RIN2: variants seen among roughly 807,000 people sequenced by gnomAD.
The protein encoded by RIN2 is Ras and Rab interactor 2, also known as RAB5 interacting protein 2.
Under a neutral mutation model 78.0 loss-of-function variants are expected in RIN2, and 36 were observed. The ratio of observed to expected loss-of-function variants is 0.46; its 90% CI spans 0.35 to 0.61. The LOEUF is 0.61. Ranked by LOEUF, RIN2 falls within the 20% of genes least tolerant of loss-of-function variation. RIN2 has a pLI of 0.00. For missense variants in RIN2, 1,087 were observed against 1,159.7 expected (o/e 0.94, Z 0.91); for synonymous variants, 466 against 466.8 (o/e 1.00, Z 0.02).
intron 3 of RIN2, among the ~76,000 whole-genome samples, chr20:19,919,301 A>C (rs937371974): frequency 1.3e-5 from 2 of 152,222 alleles, no homozygotes; most frequent in African/African-American, 4.8e-5. Flanking sequence ...CTAACAATGC[A>C]ACCAAACAAG....
intron 2 of RIN2, among the ~76,000 whole-genome samples, chr20:19,815,865 T>C (rs1027213027): frequency 6.6e-6 from 1 of 152,232 alleles, no homozygotes; most frequent in Non-Finnish European, 1.5e-5. Flanking sequence ...TGTAGCATCT[T>C]CCTTTGGGAA....
intron 3 of RIN2, among the ~76,000 whole-genome samples, chr20:19,921,451 C>T (rs933597109): frequency 2.0e-5 from 3 of 152,188 alleles, no homozygotes; most frequent in Non-Finnish European, 4.4e-5. Context: ...CAAAAATGAA[C>T]AGAGAAGTCA....
At chr20:19,915,999 T>C (rs1037632842) in intron 3 of RIN2, among the ~76,000 whole-genome samples, 21 of 152,316 alleles carry the variant, frequency 1.4e-4, no homozygotes, top group African/African-American at 5.1e-4. Flanking sequence ...CCCAGCACTT[T>C]GGGAGGCCGA....
At chr20:19,812,118 C>G (rs6136840) in intron 2 of RIN2, among the ~76,000 whole-genome samples, 10,913 of 151,774 alleles carry the variant, frequency 0.072, 425 homozygotes, top group South Asian at 0.1. Flanking sequence ...CTTTGTTTAT[C>G]CATTCTACAT....
At chr20:19,930,977 G>A (rs566220416) in intron 3 of RIN2, among the ~76,000 whole-genome samples, 5 of 152,220 alleles carry the variant, frequency 3.3e-5, no homozygotes, top group South Asian at 4.2e-4. Flanking sequence ...TTCCAGGCAC[G>A]GTGGTGCCTA....
At chr20:19,777,227 C>T (rs375921667) in intron 1 of RIN2, among the ~76,000 whole-genome samples, 1 of 152,286 alleles carries the variant, frequency 6.6e-6, no homozygotes, top group African/African-American at 2.4e-5. Flanking sequence ...AGGTGGAACC[C>T]CTGGAAATCT....
chr20:19,903,030 G>A (rs779720495), intron 3 of RIN2, among the ~76,000 whole-genome samples: 31 of 152,022 alleles, frequency 2.0e-4, no homozygotes, highest in Non-Finnish European at 3.4e-4. Flanking sequence ...GAGGCGGAGC[G>A]TGCCGTGAGC....
intron 1 of RIN2, among the ~76,000 whole-genome samples, chr20:19,795,690 T>A (rs1317962488): frequency 6.6e-6 from 1 of 152,134 alleles, no homozygotes; most frequent in Non-Finnish European, 1.5e-5. Context: ...TTCCGCCTCC[T>A]TAGAGTGCCA....
chr20:19,794,912 A>T (rs973710298), intron 1 of RIN2, among the ~76,000 whole-genome samples: 1 of 152,228 alleles, frequency 6.6e-6, no homozygotes, highest in Non-Finnish European at 1.5e-5. Flanking sequence ...AAATTAAATT[A>T]AAATTTAAGA....
intron 2 of RIN2, among the ~76,000 whole-genome samples, chr20:19,808,231 T>C (rs2035470135): frequency 6.6e-6 from 1 of 152,214 alleles, no homozygotes; most frequent in African/African-American, 2.4e-5. Flanking sequence ...TTGCTTCTGT[T>C]TGTATAAATT....
At position 19,950,570 on chromosome 20, in the gene RIN2, CT is replaced by C. The variant is rs537972322; in HGVS notation, c.159-6042del. On this transcript the variant is annotated intron_variant, in intron 4 of 12. Transcript: ENST00000255006. ...TTTAGGGGGAGCTCATCATTTGACA[CT>C]TTCTTTCTTTCTTTCTTTTGACACT... Among the ~76,000 whole-genome samples the C allele has an allele frequency of 9.9e-5, 15 of 151,860 alleles. No homozygotes were observed. In the South Asian group the frequency reaches 2.9e-3, roughly 30 times the overall value.
At chr20:19,917,381 C>A (rs570345203) in intron 3 of RIN2, among the ~76,000 whole-genome samples, 1 of 152,332 alleles carries the variant, frequency 6.6e-6, no homozygotes, top group African/African-American at 2.4e-5. Flanking sequence ...GATTGCTCTG[C>A]TGCCAATTCC....
At position 19,826,931 on chromosome 20, in the gene RIN2, T is replaced by C. The variant is rs547164273; in HGVS notation, c.-37+27184T>C. On this transcript the variant is annotated intron_variant, in intron 2 of 12. Transcript: ENST00000255006. ...TTTTTTCTAATTTTATTTTTGTTAT[T>C]GTTGGTGGTGGTGGTGGTGGTTTTT... Among the ~76,000 whole-genome samples, 17 of 151,126 alleles carry C rather than the reference T, an allele frequency of 1.1e-4. 1 individual carries two copies. The highest frequency in any genetic ancestry group is 2.6e-4 in the Admixed American group (4 of 15,180).
chr20:19,757,827 G>C (rs948647760), upstream of RIN2: 3 of 152,412 alleles, frequency 2.0e-5, no homozygotes, highest in Non-Finnish European at 4.4e-5. Flanking sequence ...GCAGAAGACA[G>C]GGGCGGCAGC....
At chr20:19,973,465 A>T (rs944082127) in intron 8 of RIN2, among the ~76,000 whole-genome samples, 6 of 152,174 alleles carry the variant, frequency 3.9e-5, no homozygotes, top group Non-Finnish European at 8.8e-5. Flanking sequence ...GGAAAGAAAG[A>T]CACTGCAAAG....
intron 1 of RIN2, among the ~76,000 whole-genome samples, chr20:19,767,145 G>A (rs1438126622): frequency 6.6e-6 from 1 of 152,146 alleles, no homozygotes; most frequent in Non-Finnish European, 1.5e-5. Context: ...GGGAAATTGT[G>A]TTTATGTTTA....
chr20:19,999,055 G>A (rs1360435055), intron 12 of RIN2, among the ~76,000 whole-genome samples: 1 of 152,128 alleles, frequency 6.6e-6, no homozygotes, highest in African/African-American at 2.4e-5. Context: ...CGGCTCAGGG[G>A]TCAAAGCAAA....
intron 2 of RIN2, among the ~76,000 whole-genome samples, chr20:19,848,974 C>G (rs1486630589): frequency 2.0e-5 from 3 of 152,162 alleles, no homozygotes. Flanking sequence ...ATTTAGTTGT[C>G]CAAACTCATC....
At chr20:19,872,206 A>G (rs893679363) in intron 2 of RIN2, 1 of 152,048 alleles carries the variant, frequency 6.6e-6, no homozygotes, top group Non-Finnish European at 1.5e-5. Flanking sequence ...TTCCCCTTCC[A>G]CTATGATTGT....
Sources: gnomAD v4.1 joint callset for allele counts (sites outside exome capture counted in the v4.1 genomes callset) on GRCh38, gnomAD v4.1.1 for gene constraint, MANE v1.5 for transcripts, NCBI Gene and HGNC (gene_info 2026-07-23, HGNC 2026-07-21) for gene names.